The following DSCAML1 variants were observed in gnomAD, a reference collection of about 807,000 sequenced individuals.
DSCAML1 encodes DS cell adhesion molecule like 1.
A neutral mutation model predicts 200.5 loss-of-function variants in DSCAML1; 38 were observed. That is an observed-to-expected ratio of 0.19 (90% CI 0.15 to 0.25). The LOEUF (loss-of-function observed/expected upper bound fraction) is 0.25, where lower values mean the gene tolerates loss of function less well. Ranked by LOEUF, DSCAML1 falls within the 10% of genes least tolerant of loss-of-function variation. DSCAML1 has a pLI of 1.00. For synonymous variants in DSCAML1, 1,215 were observed against 1,165.0 expected (o/e 1.04, Z -0.87); for missense variants, 2,223 against 2,858.8 (o/e 0.78, Z 5.07).
chr11:117,676,037 T>G (rs998415351), intron 3 of DSCAML1, among the ~76,000 whole-genome samples: 19 of 152,172 alleles, frequency 1.2e-4, no homozygotes, highest in Admixed American at 6.5e-5. Flanking sequence ...GTTCTGCTAA[T>G]GGGTTCCAAA....
At chr11:117,550,878 C>T (rs570006313) in intron 3 of DSCAML1, among the ~76,000 whole-genome samples, 23 of 152,320 alleles carry the variant, frequency 1.5e-4, no homozygotes, top group Admixed American at 2.6e-4. Flanking sequence ...TTAACTCCTC[C>T]GGGCACTGGC....
At chr11:117,614,696 T>C (rs1298461961) in intron 3 of DSCAML1, among the ~76,000 whole-genome samples, 1 of 152,224 alleles carries the variant, frequency 6.6e-6, no homozygotes, top group Non-Finnish European at 1.5e-5. Context: ...CAATCAGCAG[T>C]TAAATTGGAA....
intron 3 of DSCAML1, among the ~76,000 whole-genome samples, chr11:117,765,707 T>A (rs2054885191): frequency 1.3e-5 from 2 of 152,218 alleles, no homozygotes; most frequent in South Asian, 4.1e-4. Context: ...GGAAAATGTA[T>A]TTTCTCTATA....
chr11:117,778,622 T>C lies in DSCAML1; in HGVS notation c.365-1685A>G, dbSNP rs962117098. On this transcript the variant is annotated intron_variant, in intron 2 of 32. Coordinates refer to ENST00000651296, the MANE Select transcript of DSCAML1 (RefSeq NM_020693.4). The stretch of plus-strand genomic sequence containing the variant: ...AGCTGCACCTCTGCGATTAACTGGC[T>C]ATGTGCCCTTGGGCAAGTGACTTAA... Among the ~76,000 whole-genome samples the C allele has an allele frequency of 2.0e-5, 3 of 152,268 alleles. 1 individual carries two copies. The highest frequency in any genetic ancestry group is 2.0e-4 in the Admixed American group (3 of 15,292).
chr11:117,778,027 C>T (rs757108887), intron 2 of DSCAML1, among the ~76,000 whole-genome samples: 3 of 152,200 alleles, frequency 2.0e-5, no homozygotes, highest in East Asian at 3.9e-4. Flanking sequence ...CACTTAGGGC[C>T]CTGGCAGCCC....
intron 3 of DSCAML1, among the ~76,000 whole-genome samples, chr11:117,677,278 G>A (rs768584720): frequency 6.6e-6 from 1 of 152,196 alleles, no homozygotes; most frequent in Non-Finnish European, 1.5e-5. Context: ...GCCAAGGGCT[G>A]GGGTCGGGGG....
chr11:117,782,824 CACTAAGAG>C (rs2055287540), intron 1 of DSCAML1, among the ~76,000 whole-genome samples: 1 of 152,070 alleles, frequency 6.6e-6, no homozygotes, highest in Admixed American at 6.6e-5. Context: ...TAAGAGACAA[CACTAAGAG>C]ACAGGTACTA....
chr11:117,799,362 G>T (rs1454569190), upstream of DSCAML1, among the ~76,000 whole-genome samples: 2 of 152,186 alleles, frequency 1.3e-5, no homozygotes, highest in African/African-American at 4.8e-5. Context: ...CGGCACAGCT[G>T]CTCCGTGCCT....
At chr11:117,677,375 C>G (rs1272832633) in intron 3 of DSCAML1, among the ~76,000 whole-genome samples, 4 of 152,124 alleles carry the variant, frequency 2.6e-5, no homozygotes, top group Admixed American at 2.6e-4. Flanking sequence ...GAATGAGGCT[C>G]TTTTTGAACA....
chr11:117,693,117 C>T (rs138229741), intron 3 of DSCAML1, among the ~76,000 whole-genome samples: 2 of 152,294 alleles, frequency 1.3e-5, no homozygotes, highest in East Asian at 3.9e-4. Flanking sequence ...TTTAATTCAG[C>T]TCAAGAAAGA....
intron 4 of DSCAML1, among the ~76,000 whole-genome samples, chr11:117,526,614 G>A (rs913671355): frequency 2.6e-4 from 39 of 152,200 alleles, no homozygotes; most frequent in African/African-American, 9.4e-4. Flanking sequence ...CGCCTCCCGG[G>A]TTCAAGCAAT....
intron 3 of DSCAML1, among the ~76,000 whole-genome samples, chr11:117,764,954 G>T (rs1314624690): frequency 6.6e-6 from 1 of 152,160 alleles, no homozygotes; most frequent in Non-Finnish European, 1.5e-5. Context: ...CACATGCACG[G>T]CCGCCTTCAT....
In DSCAML1 at chr11:117,428,914, G is replaced by A. The variant is rs117989343; in HGVS notation, c.5687-111C>T. ...CAGTCTTCTCTCTGATTTGGCATAG[G>A]GGCCCCTCCACTGGGGGGCAATAAA... On this transcript the variant is annotated intron_variant, in intron 32 of 32. Transcript: ENST00000651296. The A allele has an allele frequency of 9.1e-3, 9,787 of 1,073,050 alleles. 647 individuals carry two copies. The East Asian group carries it at 0.15, about 17-fold the overall frequency. The allele number at this position is 1,073,050 out of a possible 1,614,324, so 66.5% of individuals were successfully genotyped here. A position where few individuals can be genotyped will look rare whatever the true frequency, so the allele number is the denominator to read the frequency against.
chr11:117,762,858 G>A (rs1287491766), intron 3 of DSCAML1, among the ~76,000 whole-genome samples: 1 of 106,320 alleles, frequency 9.4e-6, no homozygotes, highest in Non-Finnish European at 2.0e-5. Flanking sequence ...GTGAGACTCT[G>A]TCTCAAATAG....
intron 3 of DSCAML1, among the ~76,000 whole-genome samples, chr11:117,709,164 C>G (rs1194620763): frequency 6.6e-6 from 1 of 152,200 alleles, no homozygotes; most frequent in Admixed American, 6.5e-5. Context: ...CAATGTGTGA[C>G]CCTGTTGGCC....
rs1234237699 is a variant in DSCAML1 at position 117,536,018 on chromosome 11, TC to T, written c.512-3497del. Reference sequence around the variant, plus strand: ...TTCATTGTCCTCATTTTCCCCTCCCTCCCCCCCTTCTTGTGCATATTTAATT... The same window carrying T: ...TTCATTGTCCTCATTTTCCCCTCCCTCCCCCCTTCTTGTGCATATTTAATT... On this transcript the variant is annotated intron_variant, in intron 3 of 32. Transcript: ENST00000651296. Among the ~76,000 whole-genome samples the T allele has an allele frequency of 1.1e-4, 15 of 138,988 alleles. No homozygotes were observed. The East Asian group carries it at 3.4e-3, about 32-fold the overall frequency. The allele number at this position is 138,988 out of a possible 152,430, so 91.2% of individuals were successfully genotyped here. A position where few individuals can be genotyped will look rare whatever the true frequency, so the allele number is the denominator to read the frequency against.
intron 3 of DSCAML1, among the ~76,000 whole-genome samples, chr11:117,543,660 C>T (rs1040452186): frequency 2.0e-5 from 3 of 152,182 alleles, no homozygotes; most frequent in Admixed American, 2.0e-4. Context: ...CACCTGTTAA[C>T]CTTTCTGGGC....
At chr11:117,624,609 A>G (rs2052005570) in intron 3 of DSCAML1, among the ~76,000 whole-genome samples, 2 of 152,038 alleles carry the variant, frequency 1.3e-5, no homozygotes, top group African/African-American at 2.4e-5. Flanking sequence ...GCCCCAGATG[A>G]GAGCCTGGAA....
chr11:117,481,372 T>G, intron 12 of DSCAML1, 102 bp from the exon 13 acceptor site: 1 of 1,142,788 alleles, frequency 8.8e-7, no homozygotes, highest in South Asian at 1.3e-5. Flanking sequence ...CAAGGCCCTC[T>G]TGTTCTGGGA....
Sources: allele counts gnomAD v4.1 joint callset (sites outside exome capture counted in the v4.1 genomes callset), GRCh38; gene constraint gnomAD v4.1.1; transcripts MANE v1.5; gene names NCBI Gene and HGNC (gene_info 2026-07-23, HGNC 2026-07-21).